The following POU6F2 variants were observed in gnomAD, a reference collection of about 807,000 sequenced individuals.
POU6F2 encodes POU class 6 homeobox 2.
In POU6F2, 31 loss-of-function variants were observed where a neutral mutation model predicts 71.3. The observed-to-expected ratio is 0.43, with a 90% CI of 0.33 to 0.59. The LOEUF is 0.59. Ranked by LOEUF, POU6F2 falls within the 20% of genes least tolerant of loss-of-function variation. POU6F2 has a pLI of 0.04. For synonymous variants in POU6F2, 347 were observed against 355.7 expected, an observed-to-expected ratio of 0.98 and a Z score of 0.27; for missense variants, 783 against 856.8, an observed-to-expected ratio of 0.91 and a Z score of 1.07.
At chr7:39,010,752 T>A (rs1789254856) in intron 1 of POU6F2, among the ~76,000 whole-genome samples, 1 of 142,642 alleles carries the variant, frequency 7.0e-6, no homozygotes, top group African/African-American at 2.6e-5. Context: ...TCAAAGAACA[T>A]CTTTATTTCT....
intron 4 of POU6F2, among the ~76,000 whole-genome samples, chr7:39,272,470 G>A (rs1387153362): frequency 1.3e-5 from 2 of 152,046 alleles, no homozygotes; most frequent in African/African-American, 2.4e-5. Flanking sequence ...TGCTTTCAGG[G>A]ACAGAGCTGT....
At chr7:39,400,970 C>T (rs1787288884) in intron 5 of POU6F2, among the ~76,000 whole-genome samples, 1 of 152,116 alleles carries the variant, frequency 6.6e-6, no homozygotes, top group South Asian at 2.1e-4. Flanking sequence ...AAAAGGGAAA[C>T]AGGGACTCTC....
Position 39,195,828 on chromosome 7 carries a change from T to C in POU6F2, c.278-8407T>C, listed in dbSNP as rs577715259. 1.5e-4 allele frequency among the ~76,000 whole-genome samples: 23 copies of C among 152,228 alleles called. No individual in the cohort carries two copies. The South Asian group carries it at 3.3e-3, about 22-fold the overall frequency. On this transcript the variant is annotated intron_variant, in intron 2 of 9. Transcript: ENST00000518318. The stretch of plus-strand genomic sequence containing the variant: ...ACTACAGCGTTCTCTAGCCTTGCCA[T>C]TTCCACATCACAGTACTGTAATGCA...
chr7:39,383,499 C>T (rs1003285087), intron 5 of POU6F2, among the ~76,000 whole-genome samples: 2 of 152,124 alleles, frequency 1.3e-5, no homozygotes, highest in Non-Finnish European at 1.5e-5. Context: ...CTAAGACCCC[C>T]AATTAGATCA....
intron 4 of POU6F2, among the ~76,000 whole-genome samples, chr7:39,235,688 G>C (rs1000596022): frequency 6.6e-6 from 1 of 152,150 alleles, no homozygotes; most frequent in Non-Finnish European, 1.5e-5. Context: ...TGTCACCTAG[G>C]CGTATTGTAA....
At chr7:39,244,454 G>A (rs1189031283) in intron 4 of POU6F2, among the ~76,000 whole-genome samples, 4 of 152,100 alleles carry the variant, frequency 2.6e-5, no homozygotes, top group African/African-American at 9.7e-5. Context: ...TATAAAGCAG[G>A]AATAAGAATA....
Position 39,046,492 on chromosome 7 carries a change from A to G in POU6F2, c.106-39368A>G, listed in dbSNP as rs548780935. ...AAATGGGTTGTGCTTTTATTGTCAC[A>G]TTAAGAATTCCTTATATAACCCAAG... On this transcript the variant is annotated intron_variant, in intron 1 of 9. Transcript: ENST00000518318. 8.5e-5 allele frequency among the ~76,000 whole-genome samples: 13 copies of G among 152,056 alleles called. No individual in the cohort carries two copies. The South Asian group carries it at 2.3e-3, about 27-fold the overall frequency.
chr7:39,029,217 A>G (rs115999261), intron 1 of POU6F2, among the ~76,000 whole-genome samples: 1,616 of 152,260 alleles, frequency 0.011, 31 homozygotes, highest in African/African-American at 0.036. Context: ...TGATTTTTAT[A>G]TATTGATCAT....
intron 4 of POU6F2, among the ~76,000 whole-genome samples, chr7:39,324,182 T>G (rs1380025043): frequency 6.8e-6 from 1 of 146,456 alleles, no homozygotes; most frequent in African/African-American, 2.5e-5. Context: ...CAAAGGGAAA[T>G]GAAAATGGAA....
intron 4 of POU6F2, among the ~76,000 whole-genome samples, chr7:39,242,508 T>C (rs142251967): frequency 0.014 from 2,114 of 152,218 alleles, 31 homozygotes; most frequent in Middle Eastern, 0.034. Context: ...CTACTCTGTA[T>C]CTTTTTCAGT....
Position 39,207,720 on chromosome 7 carries a change from C to A in POU6F2, c.598+100C>A, listed in dbSNP as rs182298812. The A allele has an allele frequency of 2.1e-5, 24 of 1,155,648 alleles. No homozygotes were observed. In the East Asian group the frequency reaches 5.7e-4, roughly 27 times the overall value. 71.6% of individuals were successfully genotyped at this position (1,155,648 alleles called of 1,614,324 possible). A position where few individuals can be genotyped will look rare whatever the true frequency, so the allele number is the denominator to read the frequency against. On this transcript the variant is annotated intron_variant, in intron 4 of 9. Transcript: ENST00000518318. ...TGTGCCTAGAATGGTGAATGTGGTT[C>A]AGAGTTGCTTCTGCCCTAAATGATA...
chr7:39,216,780 C>T (rs1480877304), intron 4 of POU6F2, among the ~76,000 whole-genome samples: 1 of 151,896 alleles, frequency 6.6e-6, no homozygotes, highest in Non-Finnish European at 1.5e-5. Flanking sequence ...GAAATTGAAA[C>T]TAGGAAAATC....
At chr7:39,364,447 C>A (rs1165243073) in intron 5 of POU6F2, among the ~76,000 whole-genome samples, 2 of 152,122 alleles carry the variant, frequency 1.3e-5, no homozygotes, top group Admixed American at 6.6e-5. Context: ...TCCCCACAGT[C>A]CATTGTATCA....
At chr7:39,121,986 A>G (rs1452819504) in intron 2 of POU6F2, among the ~76,000 whole-genome samples, 3 of 152,224 alleles carry the variant, frequency 2.0e-5, no homozygotes, top group Non-Finnish European at 4.4e-5. Context: ...GGCATGAGCC[A>G]CCACACCCAG....
At chr7:39,026,412 A>T (rs905596656) in intron 1 of POU6F2, among the ~76,000 whole-genome samples, 8 of 152,158 alleles carry the variant, frequency 5.3e-5, no homozygotes, top group African/African-American at 1.7e-4. Context: ...ATGGAATCCT[A>T]TGCAGCCATA....
intron 4 of POU6F2, among the ~76,000 whole-genome samples, chr7:39,210,166 A>G (rs1794109865): frequency 6.6e-6 from 1 of 152,194 alleles, no homozygotes; most frequent in Non-Finnish European, 1.5e-5. Context: ...TGATTTTATA[A>G]AACATATTTG....
chr7:39,212,714 G>T (rs1794164431), intron 4 of POU6F2, among the ~76,000 whole-genome samples: 1 of 152,174 alleles, frequency 6.6e-6, no homozygotes, highest in South Asian at 2.1e-4. Context: ...AATTAAGCTT[G>T]CTCTGTCACA....
chr7:39,377,196 T>G (rs1192838638), intron 5 of POU6F2, among the ~76,000 whole-genome samples: 4 of 151,280 alleles, frequency 2.6e-5, no homozygotes, highest in African/African-American at 2.4e-5. Flanking sequence ...AGTGGTGTGA[T>G]CTCGGCTCAC....
chr7:39,140,172 C>G (rs1426609405), intron 2 of POU6F2, among the ~76,000 whole-genome samples: 1 of 152,138 alleles, frequency 6.6e-6, no homozygotes, highest in Non-Finnish European at 1.5e-5. Context: ...GAGCTGTACT[C>G]TGTGATGCCT....
Sources: allele counts gnomAD v4.1 joint callset (sites outside exome capture counted in the v4.1 genomes callset), GRCh38; gene constraint gnomAD v4.1.1; transcripts MANE v1.5; gene names NCBI Gene and HGNC (gene_info 2026-07-23, HGNC 2026-07-21).